Variants in GREB1L observed in about 807,000 individuals in gnomAD.
GREB1L encodes GREB1 like retinoic acid receptor coactivator.
A neutral mutation model predicts 200.8 loss-of-function variants in GREB1L; 17 were observed. That is an observed-to-expected ratio of 0.08 (90% confidence interval 0.06 to 0.13). The LOEUF is 0.13. Ranked by LOEUF, GREB1L falls within the 10% of genes least tolerant of loss-of-function variation. The probability of loss-of-function intolerance (pLI) is 1.00; values close to 1 mark genes in which losing one functional copy is unlikely to be tolerated. For missense variants in GREB1L, 1,657 were observed against 2,367.7 expected (o/e 0.70, Z 6.23); for synonymous variants, 789 against 893.0 (o/e 0.88, Z 2.08).
intron 4 of GREB1L, among the ~76,000 whole-genome samples, chr18:21,390,374 G>A (rs1051662201): frequency 1.3e-5 from 2 of 152,046 alleles, no homozygotes; most frequent in Non-Finnish European, 2.9e-5. Flanking sequence ...ATTATCATAG[G>A]AGATGACCCT....
At chr18:21,310,161 A>G (rs1200495609) in intron 1 of GREB1L, among the ~76,000 whole-genome samples, 1 of 152,222 alleles carries the variant, frequency 6.6e-6, no homozygotes, top group Admixed American at 6.5e-5. Flanking sequence ...GACAGTGCAA[A>G]TCTAGACCAT....
At chr18:21,499,594 A>C (rs1261622268) in intron 21 of GREB1L, 135 bp from the exon 22 acceptor site, 1 of 645,108 alleles carries the variant, frequency 1.6e-6, no homozygotes, top group Non-Finnish European at 2.7e-6. Context: ...AGCGGCAAAG[A>C]GAAGATTTCT....
At chr18:21,494,955 G>C (rs1162923375) in intron 19 of GREB1L, among the ~76,000 whole-genome samples, 2 of 152,158 alleles carry the variant, frequency 1.3e-5, no homozygotes, top group African/African-American at 2.4e-5. Flanking sequence ...ATGTATATGT[G>C]TGTTTATATG....
intron 1 of GREB1L, among the ~76,000 whole-genome samples, chr18:21,279,334 TC>T (rs1308398717): frequency 6.6e-6 from 1 of 152,148 alleles, no homozygotes; most frequent in Non-Finnish European, 1.5e-5. Flanking sequence ...TATTATAATT[TC>T]TTATGGAAGC....
At chr18:21,362,630 A>G (rs1157002289) in intron 1 of GREB1L, among the ~76,000 whole-genome samples, 2 of 152,194 alleles carry the variant, frequency 1.3e-5, no homozygotes, top group African/African-American at 4.8e-5. Context: ...CTCGATATCT[A>G]TTCTAAAAAC....
chr18:21,510,847 C>CTT (rs113424479), intron 27 of GREB1L, among the ~76,000 whole-genome samples: 1 of 147,612 alleles, frequency 6.8e-6, no homozygotes. Context: ...CTCACCAACA[C>CTT]TTTTTTTTTT....
At chr18:21,374,346 G>A (rs1427614064) in intron 2 of GREB1L, among the ~76,000 whole-genome samples, 7 of 152,066 alleles carry the variant, frequency 4.6e-5, no homozygotes, top group African/African-American at 1.4e-4. Flanking sequence ...TCAGATGTTC[G>A]AGGCTCATCT....
At chr18:21,242,524 C>G (rs968953213) in intron 1 of GREB1L, 131 bp downstream of exon 1, 1 of 152,260 alleles carries the variant, frequency 6.6e-6, no homozygotes, top group East Asian at 1.9e-4. Flanking sequence ...GGGGAAGCGC[C>G]GCAGCGGACT....
intron 4 of GREB1L, among the ~76,000 whole-genome samples, chr18:21,391,749 A>G (rs778533812): frequency 9.2e-5 from 14 of 152,238 alleles, no homozygotes; most frequent in Non-Finnish European, 1.9e-4. Context: ...CTGTCATTAC[A>G]TGGCATGTGA....
At chr18:21,420,394 A>C (rs374140137) in intron 7 of GREB1L, among the ~76,000 whole-genome samples, 1 of 151,886 alleles carries the variant, frequency 6.6e-6, no homozygotes, top group African/African-American at 2.4e-5. Flanking sequence ...AAAAGAAAAG[A>C]AAAGCCACAG....
chr18:21,435,883 C>T lies in GREB1L; in HGVS notation c.833-3638C>T, dbSNP rs535672425. Among the ~76,000 whole-genome samples the T allele has an allele frequency of 2.6e-5, 4 of 151,904 alleles. No individual in the cohort carries two copies. The South Asian group carries it at 6.3e-4, about 24-fold the overall frequency. ...TTGGCTGTAATGCGTAAGAAGAAGA[C>T]GAGATAGGAAAACTAGTTGGAGGTC... On this transcript the variant is annotated intron_variant, in intron 7 of 32. Coordinates refer to ENST00000424526, the MANE Select transcript of GREB1L (RefSeq NM_001142966.3).
chr18:21,499,838 A>T lies in GREB1L; in HGVS notation c.3501A>T (p.Glu1167Asp). The change falls in exon 22 of 33, where the codon GAA becomes GAT. Residue 1167 changes from glutamate to aspartate, a missense_variant. Transcript: ENST00000424526. ...QSPATSLGLD[E>D]GVSASSAGAG... ...CAGCCACCAGCTTGGGGCTGGATGA[A>T]GGGGTCTCCGCCAGCTCAGCTGGAG... 6.4e-7 allele frequency: 1 copy of T among 1,551,684 alleles called. No individual in the cohort carries two copies. The highest frequency in any genetic ancestry group is 8.7e-7 in the Non-Finnish European group (1 of 1,146,956).
At chr18:21,268,596 TGTA>T in intron 1 of GREB1L, among the ~76,000 whole-genome samples, 1 of 123,954 alleles carries the variant, frequency 8.1e-6, no homozygotes, top group Non-Finnish European at 1.7e-5. Flanking sequence ...TATATATACA[TGTA>T]TATATATATG....
chr18:21,379,461 C>T (rs1567963126), intron 2 of GREB1L, among the ~76,000 whole-genome samples: 1 of 152,172 alleles, frequency 6.6e-6, no homozygotes, highest in Non-Finnish European at 1.5e-5. Flanking sequence ...CCGCCTTGGC[C>T]TCTCAAGTGC....
intron 1 of GREB1L, among the ~76,000 whole-genome samples, chr18:21,285,525 C>A (rs1397822216): frequency 6.6e-6 from 1 of 152,090 alleles, no homozygotes; most frequent in Non-Finnish European, 1.5e-5. Flanking sequence ...GAAAATGAGA[C>A]CAATGCAGGA....
At chr18:21,484,051 G>T (rs1226338080) in intron 17 of GREB1L, among the ~76,000 whole-genome samples, 1 of 151,514 alleles carries the variant, frequency 6.6e-6, no homozygotes, top group Non-Finnish European at 1.5e-5. Flanking sequence ...TGCAGCAGCT[G>T]CTGGCATGCA....
chr18:21,245,940 C>T (rs1336624819), intron 1 of GREB1L, among the ~76,000 whole-genome samples: 1 of 152,090 alleles, frequency 6.6e-6, no homozygotes, highest in African/African-American at 2.4e-5. Context: ...TGGTCTCGAT[C>T]TCATCGATCT....
intron 1 of GREB1L, among the ~76,000 whole-genome samples, chr18:21,250,018 A>G (rs927675529): frequency 5.3e-5 from 8 of 152,118 alleles, no homozygotes; most frequent in African/African-American, 7.2e-5. Flanking sequence ...GGAGGTTGCA[A>G]TTTTCTACGG....
intron 16 of GREB1L, among the ~76,000 whole-genome samples, chr18:21,474,764 G>C (rs1339954714): frequency 6.6e-6 from 1 of 152,184 alleles, no homozygotes; most frequent in Non-Finnish European, 1.5e-5. Flanking sequence ...GTGGATGGGA[G>C]GGGCTGCCAT....
Sources: gnomAD v4.1 joint callset for allele counts (sites outside exome capture counted in the v4.1 genomes callset) on GRCh38, gnomAD v4.1.1 for gene constraint, MANE v1.5 for transcripts, NCBI Gene and HGNC (gene_info 2026-07-23, HGNC 2026-07-21) for gene names.